Variants in ANK2 observed in about 807,000 individuals in gnomAD.
ANK2 encodes the protein ankyrin 2, also known as ankyrin-2.
In ANK2, 83 loss-of-function variants were observed where a neutral mutation model predicts 360.5. The ratio of observed to expected loss-of-function variants is 0.23; its 90% CI spans 0.19 to 0.28. The LOEUF is 0.28. Ranked by LOEUF, ANK2 falls within the 10% of genes least tolerant of loss-of-function variation. The pLI is 1.00. For missense variants in ANK2, 4,201 were observed against 4,795.7 expected, an observed-to-expected ratio of 0.88 and a Z score of 3.66; for synonymous variants, 1,740 against 1,759.5, an observed-to-expected ratio of 0.99 and a Z score of 0.28.
At chr4:113,179,659 A>G (rs2098342795) in intron 2 of ANK2, among the ~76,000 whole-genome samples, 1 of 152,198 alleles carries the variant, frequency 6.6e-6, no homozygotes, top group Non-Finnish European at 1.5e-5. Context: ...GAGAAAATAA[A>G]TCTTAGCGTT....
chr4:112,993,951 G>T (rs560912494), intron 2 of ANK2, among the ~76,000 whole-genome samples: 2 of 151,832 alleles, frequency 1.3e-5, no homozygotes, highest in African/African-American at 4.8e-5. Context: ...CAAGTGATCT[G>T]CACTCCTTGG....
At chr4:113,064,822 A>AGAGTT (rs1481415121) in intron 1 of ANK2, among the ~76,000 whole-genome samples, 267 of 14,040 alleles carry the variant, frequency 0.019, no homozygotes, top group Middle Eastern at 0.083. Context: ...CAAAAATGTT[A>AGAGTT]GAAAGTTCTG....
chr4:113,092,832 C>T (rs667448), intron 1 of ANK2, among the ~76,000 whole-genome samples: 124,680 of 152,136 alleles, frequency 0.82, 51,658 homozygotes, highest in African/African-American at 0.95. Flanking sequence ...TTCTCTGGTG[C>T]GCTATATAAT....
intron 1 of ANK2, among the ~76,000 whole-genome samples, chr4:112,819,524 C>CT (rs111866514): frequency 0.12 from 18,829 of 150,766 alleles, 1,991 homozygotes; most frequent in African/African-American, 0.29. Context: ...GAGTTTTGTC[C>CT]TTTTTTTTTA....
At chr4:113,271,556 T>A (rs1323282845) in intron 14 of ANK2, among the ~76,000 whole-genome samples, 1 of 152,064 alleles carries the variant, frequency 6.6e-6, no homozygotes. Context: ...ATTCACCCTC[T>A]CCCGAAGAAG....
chr4:113,168,680 T>A (rs183229321), intron 1 of ANK2, among the ~76,000 whole-genome samples: 1 of 152,234 alleles, frequency 6.6e-6, no homozygotes, highest in Non-Finnish European at 1.5e-5. Flanking sequence ...ATATCACTTA[T>A]GTGTTCTGAC....
rs781333985 is a variant in ANK2, at chr4:113,336,673, C to T, written c.3688C>T (p.His1230Tyr). ...VTLEPRRRKF[H>Y]KPITMTIPVP... ...TTTGGAACCTAGAAGAAGAAAATTC[C>T]ACAAACCAATTACCATGACCATTCC... Residue 1230 changes from histidine (H) to tyrosine (Y), a missense_variant, in exon 31 of 46, where the codon CAC (histidine) becomes TAC (tyrosine). This residue lies in a region of ANK2 where 1,268 missense variants were observed against 1,650.8 expected (regional missense o/e 0.77). Transcript: ENST00000357077. The T allele has an allele frequency of 6.2e-7, 1 of 1,614,106 alleles. No homozygotes were observed. Among genetic ancestry groups the T allele is most frequent in the Non-Finnish European group, 8.5e-7 (1 of 1,180,008 alleles).
At position 113,357,082 on chromosome 4, in the gene ANK2, A is replaced by G. The variant is rs1269515889; in HGVS notation, c.8464A>G (p.Thr2822Ala). The G allele has an allele frequency of 6.2e-7, 1 of 1,614,126 alleles. No individual in the cohort carries two copies. Among genetic ancestry groups the G allele is most frequent in the East Asian group, 2.2e-5 (1 of 44,874 alleles). ...LALQGTHEKD[T>A]EGEELDVSRA... ...TCTCCAAGGCACTCATGAAAAAGACACAGAGGGAGAAGAGCTTGATGTTTC... is the reference window on the plus strand; with the variant it reads ...TCTCCAAGGCACTCATGAAAAAGACGCAGAGGGAGAAGAGCTTGATGTTTC... Residue 2822 changes from threonine to alanine, a missense_variant, in exon 38 of 46, where the codon ACA becomes GCA. By Grantham distance (58) the Thr-to-Ala change is moderately conservative. Transcript: ENST00000357077.
chr4:113,336,610 A>C lies in ANK2; in HGVS notation c.3625A>C (p.Ile1209Leu), dbSNP rs1374728779. The change falls in exon 31 of 46, where the codon ATC (isoleucine) becomes CTC (leucine). Residue 1209 changes from isoleucine (I) to leucine (L), a missense_variant. Ile to Leu is a conservative substitution (Grantham distance 5, BLOSUM62 2). Around this residue, in one of 4 missense-constraint regions of ANK2, gnomAD observed 1,268 missense variants for 1,650.8 expected, o/e 0.77. Transcript: ENST00000357077. ...TATGCACAGTGAGCTGGTTAAGAAGATCCTAGGCAACAAAGCTACCTTCAG... is the reference window on the plus strand; with the variant it reads ...TATGCACAGTGAGCTGGTTAAGAAGCTCCTAGGCAACAAAGCTACCTTCAG... Reference protein sequence around the residue: ...QPMHSELVKKILGNKATFSPI... With the variant: ...QPMHSELVKKLLGNKATFSPI... The C allele has an allele frequency of 6.2e-7, 1 of 1,614,042 alleles. No homozygotes were observed. Among genetic ancestry groups the C allele is most frequent in the Non-Finnish European group, 8.5e-7 (1 of 1,180,034 alleles).
At chr4:112,901,168 T>A (rs1441160091) in intron 1 of ANK2, among the ~76,000 whole-genome samples, 1 of 152,210 alleles carries the variant, frequency 6.6e-6, no homozygotes, top group African/African-American at 2.4e-5. Context: ...TACCTTTTTG[T>A]AGGGAGTCAT....
At chr4:113,339,868 A>T (rs774489755) in intron 32 of ANK2, among the ~76,000 whole-genome samples, 2 of 152,226 alleles carry the variant, frequency 1.3e-5, no homozygotes, top group Non-Finnish European at 2.9e-5. Context: ...TTGATTGCTA[A>T]GCATTGTTAC....
chr4:113,273,323 G>A (rs981758428), intron 14 of ANK2, among the ~76,000 whole-genome samples: 1 of 152,146 alleles, frequency 6.6e-6, no homozygotes, highest in African/African-American at 2.4e-5. Flanking sequence ...GGTCACATAT[G>A]CATTGTACAT....
chr4:113,279,015 C>T (rs2061274818), intron 17 of ANK2, among the ~76,000 whole-genome samples: 1 of 151,736 alleles, frequency 6.6e-6, no homozygotes, highest in African/African-American at 2.4e-5. Context: ...AGCATGGATC[C>T]CTCTAAGTCC....
chr4:113,324,312 T>G (rs2088417989), intron 26 of ANK2, among the ~76,000 whole-genome samples: 1 of 152,200 alleles, frequency 6.6e-6, no homozygotes, highest in African/African-American at 2.4e-5. Flanking sequence ...AACCTTTTGA[T>G]ATTTTAGAAA....
intron 2 of ANK2, among the ~76,000 whole-genome samples, chr4:113,022,689 G>A (rs2058436334): frequency 6.6e-6 from 1 of 152,156 alleles, no homozygotes; most frequent in Admixed American, 6.5e-5. Context: ...AGCAGATTTG[G>A]TGTCATAAGA....
At chr4:113,119,418 T>G (rs1253461726) in intron 1 of ANK2, among the ~76,000 whole-genome samples, 2 of 102,362 alleles carry the variant, frequency 2.0e-5, no homozygotes, top group Admixed American at 1.0e-4. Context: ...CTGAACCAGT[T>G]TTCAATTTTC....
Position 113,357,486 on chromosome 4 carries a change from T to C in ANK2, c.8868T>C (p.Ser2956=). 6.2e-7 allele frequency: 1 copy of C among 1,614,158 alleles called. No individual in the cohort carries two copies. ...TDANHTTSFH[S]SEVYSVTITS... is the part of the protein sequence containing the mutation. ...CAAATCACACCACAAGTTTTCACTC[T>C]TCTGAAGTGTATTCTGTTACCATCA... The change falls in exon 38 of 46, where the codon TCT becomes TCC. Residue 2956 remains serine, a synonymous_variant. Coordinates refer to ENST00000357077, the MANE Select transcript of ANK2 (RefSeq NM_001148.6).
intron 28 of ANK2, 72 bp from the exon 29 acceptor site, chr4:113,332,982 A>G (rs2153940704): frequency 6.2e-7 from 1 of 1,606,454 alleles, no homozygotes; most frequent in Non-Finnish European, 8.5e-7. Context: ...TCACTTTGCA[A>G]CAGAGTCGAG....
chr4:113,196,430 G>C lies in ANK2; in HGVS notation c.249G>C (p.Leu83=). The C allele has an allele frequency of 1.2e-6, 2 of 1,613,584 alleles. No homozygotes were observed. The highest frequency in any genetic ancestry group is 1.7e-6 in the Non-Finnish European group (2 of 1,179,854). The change falls in exon 3 of 46, where the codon CTG becomes CTC. Residue 83 remains leucine (L), a synonymous_variant. Coordinates refer to ENST00000357077, the MANE Select transcript of ANK2 (RefSeq NM_001148.6). The part of the protein sequence containing the change: ...KEGHVGLVQE[L]LGRGSSVDSA... ...GCCACGTGGGGCTGGTGCAGGAGCT[G>C]CTGGGAAGAGGGTCCTCTGTGGATT...
Sources: allele counts gnomAD v4.1 joint callset (sites outside exome capture counted in the v4.1 genomes callset), GRCh38; gene constraint gnomAD v4.1.1; regional missense constraint gnomAD v4.1.1; transcripts MANE v1.5; gene names NCBI Gene and HGNC (gene_info 2026-07-23, HGNC 2026-07-21).